The following MAF variants were observed in gnomAD, a reference collection of about 807,000 sequenced individuals.
MAF encodes transcription factor Maf.
In MAF, 10 loss-of-function variants were observed where a neutral mutation model predicts 22.0. The observed-to-expected ratio is 0.45, with a 90% CI of 0.28 to 0.77. The LOEUF (loss-of-function observed/expected upper bound fraction) is 0.77. MAF is among the 30% of genes least tolerant of loss of function. MAF has a pLI of 0.12. For synonymous variants in MAF, 337 were observed against 255.8 expected, an observed-to-expected ratio of 1.32 and a Z score of -3.03; for missense variants, 544 against 548.4, an observed-to-expected ratio of 0.99 and a Z score of 0.08.
At chr16:79,229,378 T>C in the MAF span, 2 of 151,750 alleles carry the variant, frequency 1.3e-5, no homozygotes, top group African/African-American at 4.8e-5. Context: ...GGTGTCTCTT[T>C]GATGGTCTTT....
At chr16:79,569,059 G>A in the MAF span, among the ~76,000 whole-genome samples, 103 of 152,262 alleles carry the variant, frequency 6.8e-4, no homozygotes, top group Middle Eastern at 3.4e-3. Context: ...GTCCCTGCAG[G>A]ATCTCATTCA....
At chr16:79,295,785 A>G in the MAF span, among the ~76,000 whole-genome samples, 2 of 152,200 alleles carry the variant, frequency 1.3e-5, no homozygotes, top group Non-Finnish European at 2.9e-5. Context: ...GGTCCACAAG[A>G]ACTTTTCCCT....
the MAF span, among the ~76,000 whole-genome samples, chr16:79,215,905 C>T: frequency 2.0e-5 from 3 of 152,292 alleles, no homozygotes; most frequent in South Asian, 6.2e-4. Flanking sequence ...GTAACAGTAG[C>T]GATTGCCCCC....
At chr16:79,384,986 G>A in the MAF span, among the ~76,000 whole-genome samples, 1 of 152,160 alleles carries the variant, frequency 6.6e-6, no homozygotes, top group Non-Finnish European at 1.5e-5. Flanking sequence ...GTCTGGCTGT[G>A]GATTGCTGGG....
the MAF span, among the ~76,000 whole-genome samples, chr16:79,436,605 T>C: frequency 6.6e-6 from 1 of 152,240 alleles, no homozygotes; most frequent in African/African-American, 2.4e-5. Context: ...GACTTGACTG[T>C]AACTCACTTT....
At chr16:79,209,342 G>C in the MAF span, among the ~76,000 whole-genome samples, 2 of 152,174 alleles carry the variant, frequency 1.3e-5, no homozygotes, top group African/African-American at 4.8e-5. Flanking sequence ...AGTGCAACGT[G>C]GTATCATTAC....
chr16:79,516,977 G>T, the MAF span, among the ~76,000 whole-genome samples: 13 of 152,172 alleles, frequency 8.5e-5, no homozygotes, highest in African/African-American at 3.1e-4. Flanking sequence ...TTCTAAGGCA[G>T]TTTCCACACT....
chr16:79,207,680 G>A, the MAF span, among the ~76,000 whole-genome samples: 1 of 152,132 alleles, frequency 6.6e-6, no homozygotes, highest in Non-Finnish European at 1.5e-5. Flanking sequence ...AAATGAGCAT[G>A]CATTTTAAAA....
chr16:79,423,476 C>T, the MAF span, among the ~76,000 whole-genome samples: 1 of 151,332 alleles, frequency 6.6e-6, no homozygotes, highest in Non-Finnish European at 1.5e-5. Flanking sequence ...CAGAATTATC[C>T]AAATCATGAA....
At chr16:79,411,401 CCCCTGAA>C in the MAF span, among the ~76,000 whole-genome samples, 1 of 152,162 alleles carries the variant, frequency 6.6e-6, no homozygotes, top group Non-Finnish European at 1.5e-5. Context: ...CCATATCCAT[CCCCTGAA>C]CCTTTTATTT....
rs935935471 is a variant in MAF at position 79,598,939 on chromosome 16, G to T, written c.964C>A (p.Gln322Lys). ...QRHVLESEKNQLLQQVDHLKQ... is the reference protein window; with the variant it reads ...QRHVLESEKNKLLQQVDHLKQ... Reference sequence around the variant, plus strand: ...AGGTGGTCGACTTGCTGCAGCAGCTGGTTCTTCTCCGACTCCAGGACGTGT... The same window carrying T: ...AGGTGGTCGACTTGCTGCAGCAGCTTGTTCTTCTCCGACTCCAGGACGTGT... Residue 322 changes from glutamine to lysine, a missense_variant, in exon 1 of 2, where the codon CAG becomes AAG. Transcript: ENST00000326043. 6.2e-7 allele frequency: 1 copy of T among 1,613,744 alleles called. No homozygotes were observed. The highest frequency in any genetic ancestry group is 8.5e-7 in the Non-Finnish European group (1 of 1,179,964).
the MAF span, among the ~76,000 whole-genome samples, chr16:79,464,550 G>T: frequency 1.3e-5 from 2 of 152,300 alleles, no homozygotes; most frequent in East Asian, 3.9e-4. Context: ...TTTTCGAAAT[G>T]CTGTACAGAC....
the MAF span, among the ~76,000 whole-genome samples, chr16:79,208,873 A>G: frequency 0.47 from 71,841 of 152,072 alleles, 18,032 homozygotes; most frequent in Non-Finnish European, 0.57. Context: ...TGTGGTGTGT[A>G]TGGGACCAAC....
chr16:79,435,121 T>C, the MAF span, among the ~76,000 whole-genome samples: 1 of 152,182 alleles, frequency 6.6e-6, no homozygotes, highest in African/African-American at 2.4e-5. Context: ...AAGTCTGTCA[T>C]GCAAGGGCTC....
the MAF span, among the ~76,000 whole-genome samples, chr16:79,265,170 A>T: frequency 6.6e-6 from 1 of 152,204 alleles, no homozygotes; most frequent in African/African-American, 2.4e-5. Context: ...ATTATTCAAG[A>T]TCCATTAATT....
At chr16:79,564,461 A>G in the MAF span, among the ~76,000 whole-genome samples, 3 of 152,216 alleles carry the variant, frequency 2.0e-5, no homozygotes, top group African/African-American at 7.2e-5. Flanking sequence ...AACTGGGCAC[A>G]CTGGTTTACT....
chr16:79,253,998 T>G, the MAF span, among the ~76,000 whole-genome samples: 1 of 152,010 alleles, frequency 6.6e-6, no homozygotes, highest in Non-Finnish European at 1.5e-5. Context: ...TGCTGGGGCA[T>G]CTGTGAAATG....
At chr16:79,293,339 A>G in the MAF span, among the ~76,000 whole-genome samples, 1 of 152,226 alleles carries the variant, frequency 6.6e-6, no homozygotes, top group Non-Finnish European at 1.5e-5. Context: ...CACATGGGCA[A>G]AGCCAGTTCT....
At chr16:79,320,489 A>G in the MAF span, among the ~76,000 whole-genome samples, 5 of 152,314 alleles carry the variant, frequency 3.3e-5, no homozygotes, top group African/African-American at 1.2e-4. Context: ...GTGGGCTCTG[A>G]GGGCAGCAGC....
Sources: allele counts gnomAD v4.1 joint callset (sites outside exome capture counted in the v4.1 genomes callset), GRCh38; gene constraint gnomAD v4.1.1; transcripts MANE v1.5; gene names NCBI Gene and HGNC (gene_info 2026-07-23, HGNC 2026-07-21).